Variants in IFNAR2 observed in about 807,000 individuals in gnomAD.
The protein encoded by IFNAR2 is interferon alpha and beta receptor subunit 2, also known as interferon alpha/beta receptor 2.
IFNAR2 carries 30 observed loss-of-function variants against 49.4 expected under a neutral mutation model. The observed-to-expected ratio is 0.61, with a 90% confidence interval of 0.45 to 0.82. The LOEUF (loss-of-function observed/expected upper bound fraction) is 0.82. Ranked by LOEUF, IFNAR2 falls within the 40% of genes least tolerant of loss-of-function variation. IFNAR2 has a pLI of 0.00. For synonymous variants in IFNAR2, 224 were observed against 234.5 expected, an observed-to-expected ratio of 0.96 and a Z score of 0.41; for missense variants, 600 against 622.7, an observed-to-expected ratio of 0.96 and a Z score of 0.39.
chr21:33,247,254 C>CTTTTTTTTTTTTTTTTTTTTTT (rs59707670), intron 5 of IFNAR2, among the ~76,000 whole-genome samples: 1 of 91,574 alleles, frequency 1.1e-5, no homozygotes, highest in Non-Finnish European at 2.1e-5. Context: ...TTCTTTCTTT[C>CTTTTTTTTTTTTTTTTTTTTTT]TTTTTTTTTT....
At chr21:33,259,655 G>T (rs1032305515) in intron 7 of IFNAR2, among the ~76,000 whole-genome samples, 5 of 152,134 alleles carry the variant, frequency 3.3e-5, no homozygotes, top group South Asian at 4.1e-4. Context: ...GAATGTAAAC[G>T]CTATACATGT....
chr21:33,238,701 C>T (rs1986673973), intron 1 of IFNAR2, among the ~76,000 whole-genome samples: 1 of 149,432 alleles, frequency 6.7e-6, no homozygotes, highest in Non-Finnish European at 1.5e-5. Flanking sequence ...ACAGCACAAG[C>T]AACTCAAAGG....
Position 33,246,902 on chromosome 21 carries a change from C to T in IFNAR2, c.394+12C>T, listed in dbSNP as rs745353035. On this transcript the variant is annotated intron_variant, in intron 5 of 8. Transcript: ENST00000342136. ...GCTGGCCATAGACAGTGAGTTTTAT[C>T]TCTGTTTCTCCACTTCGTCCCCATC... is the stretch of plus-strand genomic sequence containing the variant. 2.1e-5 allele frequency: 33 copies of T among 1,605,146 alleles called. No individual in the cohort carries two copies. Among genetic ancestry groups the T allele is most frequent in the Non-Finnish European group, 2.8e-5 (33 of 1,172,568 alleles).
chr21:33,234,381 A>G (rs1269569365), intron 1 of IFNAR2, among the ~76,000 whole-genome samples: 1 of 152,180 alleles, frequency 6.6e-6, no homozygotes, highest in Non-Finnish European at 1.5e-5. Context: ...AATAAGGATG[A>G]GTGTTACTTT....
At chr21:33,259,519 T>C (rs1988428713) in intron 7 of IFNAR2, among the ~76,000 whole-genome samples, 2 of 152,182 alleles carry the variant, frequency 1.3e-5, no homozygotes, top group Non-Finnish European at 2.9e-5. Flanking sequence ...ATTTACACAA[T>C]TTGGTTTGGA....
At chr21:33,252,155 A>G (rs1461256627) in intron 6 of IFNAR2, 1 of 470,746 alleles carries the variant, frequency 2.1e-6, no homozygotes, top group Non-Finnish European at 4.4e-6. Context: ...ATGAGAAACT[A>G]GACATCAGTC....
At chr21:33,231,781 G>C (rs1227613979) in intron 1 of IFNAR2, 9 of 714,488 alleles carry the variant, frequency 1.3e-5, no homozygotes, top group Non-Finnish European at 1.4e-5. Context: ...TCGCTCTGTC[G>C]CGCAGGCTGG....
intron 7 of IFNAR2, among the ~76,000 whole-genome samples, chr21:33,256,972 C>T (rs974776274): frequency 1.3e-5 from 2 of 152,024 alleles, no homozygotes; most frequent in South Asian, 4.1e-4. Context: ...AGAAGCAGAG[C>T]CTGGGATGTG....
At chr21:33,247,588 AT>A (rs1987534737) in intron 5 of IFNAR2, among the ~76,000 whole-genome samples, 1 of 152,062 alleles carries the variant, frequency 6.6e-6, no homozygotes, top group Non-Finnish European at 1.5e-5. Flanking sequence ...CCCCCTCATT[AT>A]AACCCAATGT....
chr21:33,260,489 C>A, intron 7 of IFNAR2, 108 bp from the exon 8 acceptor site: 2 of 1,059,404 alleles, frequency 1.9e-6, no homozygotes, highest in Non-Finnish European at 1.3e-6. Flanking sequence ...TTTTTCAAAC[C>A]TTTGGTTTCT....
chr21:33,230,885 C>T lies in IFNAR2; in HGVS notation c.-84+669C>T, dbSNP rs1032538652. Reference sequence around the variant, plus strand: ...AATATGGAGAGGCGATCGGCACTTGCATTTCAACCCTGAGCAAATCAATCC... The same window carrying T: ...AATATGGAGAGGCGATCGGCACTTGTATTTCAACCCTGAGCAAATCAATCC... On this transcript the variant is annotated intron_variant, in intron 1 of 8. Transcript: ENST00000342136. The surrounding 1 kb of genome is among the most constrained non-coding windows in gnomAD (Gnocchi z 5.5). Among the ~76,000 whole-genome samples, 1 of 152,220 alleles carries T rather than the reference C, an allele frequency of 6.6e-6. No homozygotes were observed. Among genetic ancestry groups the T allele is most frequent in the African/African-American group, 2.4e-5 (1 of 41,456 alleles).
At chr21:33,234,994 G>A (rs570660299) in intron 1 of IFNAR2, among the ~76,000 whole-genome samples, 1 of 152,294 alleles carries the variant, frequency 6.6e-6, no homozygotes, top group South Asian at 2.1e-4. Context: ...CAAAAGGGGT[G>A]GGAGTTCTGG....
intron 1 of IFNAR2, among the ~76,000 whole-genome samples, chr21:33,240,110 T>G (rs879676600): frequency 1.3e-5 from 2 of 152,210 alleles, no homozygotes; most frequent in Non-Finnish European, 2.9e-5. Flanking sequence ...GCAGATTCTA[T>G]ACTCTCCCTT....
At chr21:33,239,514 G>A (rs1420815196) in intron 1 of IFNAR2, among the ~76,000 whole-genome samples, 1 of 151,676 alleles carries the variant, frequency 6.6e-6, no homozygotes, top group Non-Finnish European at 1.5e-5. Context: ...AGCCCTCAAT[G>A]TTGTGAGCTG....
At chr21:33,256,725 A>T (rs117005142) in intron 7 of IFNAR2, among the ~76,000 whole-genome samples, 35 of 152,340 alleles carry the variant, frequency 2.3e-4, no homozygotes, top group Non-Finnish European at 3.8e-4. Context: ...GTTATGAGCC[A>T]GATTCTTTTC....
At chr21:33,256,681 A>G (rs1320220843) in intron 7 of IFNAR2, among the ~76,000 whole-genome samples, 2 of 152,196 alleles carry the variant, frequency 1.3e-5, no homozygotes, top group African/African-American at 4.8e-5. Context: ...GAAAAGCTCT[A>G]TTCATTCATT....
In IFNAR2 at chr21:33,262,908, A is replaced by T. The variant is rs112025774; in HGVS notation, c.956A>T (p.Asp319Val). ...RKKKVWDYNY[D>V]DESDSDTEAA... ...AAGAAAGTGTGGGATTATAATTATG[A>T]TGATGAAAGTGATAGCGATACTGAG... Residue 319 changes from aspartate (D) to valine (V), a missense_variant, in exon 9 of 9, where the codon GAT becomes GTT. Coordinates refer to ENST00000342136, the MANE Select transcript of IFNAR2 (RefSeq NM_001289125.3). 13 of 1,614,002 alleles carry T rather than the reference A, an allele frequency of 8.1e-6. No individual in the cohort carries two copies. The highest frequency in any genetic ancestry group is 1.6e-4 in the Middle Eastern group (1 of 6,084).
At chr21:33,244,399 G>A (rs746881812) in intron 3 of IFNAR2, among the ~76,000 whole-genome samples, 2 of 152,162 alleles carry the variant, frequency 1.3e-5, no homozygotes, top group African/African-American at 4.8e-5. Context: ...CTTCAGCATT[G>A]TTGTGGGGCT....
Position 33,263,770 on chromosome 21 carries a change from T to C in IFNAR2, c.*270T>C. Reference sequence around the variant, plus strand: ...CTTTACACTAATGCACTTAGGATGTTTCTGCATCATGTCTACCAGGGAGCA... The same window carrying C: ...CTTTACACTAATGCACTTAGGATGTCTCTGCATCATGTCTACCAGGGAGCA... On this transcript the variant is annotated 3_prime_UTR_variant, in exon 9 of 9. Coordinates refer to ENST00000342136, the MANE Select transcript of IFNAR2 (RefSeq NM_001289125.3). 2.4e-6 allele frequency: 1 copy of C among 423,508 alleles called. No homozygotes were observed. Among genetic ancestry groups the C allele is most frequent in the Non-Finnish European group, 4.3e-6 (1 of 235,162 alleles). The allele number at this position is 423,508 out of a possible 1,614,324, so 26.2% of individuals were successfully genotyped here.
Sources: gnomAD v4.1 joint callset for allele counts (sites outside exome capture counted in the v4.1 genomes callset) on GRCh38, gnomAD v4.1.1 for gene constraint, Gnocchi (gnomAD v3.1) non-coding constraint, MANE v1.5 for transcripts, NCBI Gene and HGNC (gene_info 2026-07-23, HGNC 2026-07-21) for gene names.